CACNA1E: variants seen among roughly 807,000 people sequenced by gnomAD.
The protein encoded by CACNA1E is voltage-dependent R-type calcium channel subunit alpha-1E.
Under a neutral mutation model 259.2 loss-of-function variants are expected in CACNA1E, and 40 were observed. The observed-to-expected ratio is 0.15, with a 90% CI of 0.12 to 0.20. The LOEUF is 0.20. Ranked by LOEUF, CACNA1E falls within the 10% of genes least tolerant of loss-of-function variation. The pLI is 1.00. For synonymous variants in CACNA1E, 1,104 were observed against 1,138.5 expected (o/e 0.97, Z 0.61); for missense variants, 1,874 against 3,040.1 (o/e 0.62, Z 9.02).
chr1:181,346,241 G>T (rs1418903314), intron 1 of CACNA1E, among the ~76,000 whole-genome samples: 1 of 152,240 alleles, frequency 6.6e-6, no homozygotes, highest in East Asian at 1.9e-4. Flanking sequence ...TTTCTCAAAA[G>T]TCATTTTCTC....
At chr1:181,430,535 ATGGAGCCCAC>A (rs1013020186) in intron 2 of CACNA1E, among the ~76,000 whole-genome samples, 58 of 152,228 alleles carry the variant, frequency 3.8e-4, no homozygotes, top group African/African-American at 1.4e-3. Flanking sequence ...GCAAGTTCCC[ATGGAGCCCAC>A]TGTGTACATG....
chr1:181,477,236 C>T (rs1178215628), intron 2 of CACNA1E, among the ~76,000 whole-genome samples: 2 of 150,742 alleles, frequency 1.3e-5, no homozygotes, highest in Non-Finnish European at 3.0e-5. Flanking sequence ...TCAAAGAGAT[C>T]TCTTTTGTAT....
At position 181,807,477 on chromosome 1, in the gene CACNA1E, C is replaced by T. The variant is rs553851443; in HGVS notation, c.*8643C>T. 6 of 152,158 alleles carry T rather than the reference C, an allele frequency of 3.9e-5. No homozygotes were observed. The South Asian group carries it at 1.2e-3, about 32-fold the overall frequency. 9.4% of individuals were successfully genotyped at this position (152,158 alleles called of 1,614,324 possible). On this transcript the variant is annotated 3_prime_UTR_variant, in exon 48 of 48. Coordinates refer to ENST00000367573, the MANE Select transcript of CACNA1E (RefSeq NM_001205293.3). ...ACTCCCCATTTAACTGCAATTGCTC[C>T]CTTGCCACAGGGAAAGCAGCAAGCC...
At chr1:181,736,978 C>T (rs767385946) in intron 22 of CACNA1E, among the ~76,000 whole-genome samples, 1 of 152,142 alleles carries the variant, frequency 6.6e-6, no homozygotes, top group Non-Finnish European at 1.5e-5. Context: ...TTGGGAAGAG[C>T]GTTCCAGCAG....
chr1:181,757,630 G>A (rs1658202874), intron 30 of CACNA1E, among the ~76,000 whole-genome samples: 1 of 152,172 alleles, frequency 6.6e-6, no homozygotes, highest in African/African-American at 2.4e-5. Context: ...AAATACATAG[G>A]TAGGTAGATC....
At chr1:181,569,993 C>A (rs770000811) in intron 3 of CACNA1E, among the ~76,000 whole-genome samples, 1 of 152,152 alleles carries the variant, frequency 6.6e-6, no homozygotes, top group Non-Finnish European at 1.5e-5. Flanking sequence ...GTGTGAGCTA[C>A]AGAAGCATAG....
At chr1:181,789,475 A>T (rs565791976) in intron 43 of CACNA1E, among the ~76,000 whole-genome samples, 1 of 152,254 alleles carries the variant, frequency 6.6e-6, no homozygotes, top group African/African-American at 2.4e-5. Context: ...GACTTAAAAG[A>T]GATGGTGTCC....
chr1:181,520,880 C>T lies in CACNA1E; in HGVS notation c.512+9370C>T, dbSNP rs540438487. 8.5e-5 allele frequency among the ~76,000 whole-genome samples: 13 copies of T among 152,312 alleles called. No individual in the cohort carries two copies. The South Asian group carries it at 2.5e-3, about 29-fold the overall frequency. ...TTTGTCTTCTATCCTCCCCACTTCTCACAAAACATACACAGGCCAGAGGGG... is the reference window on the plus strand; with the variant it reads ...TTTGTCTTCTATCCTCCCCACTTCTTACAAAACATACACAGGCCAGAGGGG... On this transcript the variant is annotated intron_variant, in intron 3 of 47. Transcript: ENST00000367573.
At position 181,599,604 on chromosome 1, in the gene CACNA1E, C is replaced by G. The variant is rs185470644; in HGVS notation, c.951+18828C>G. Among the ~76,000 whole-genome samples the G allele has an allele frequency of 2.3e-3, 358 of 152,352 alleles. 2 individuals are homozygous for G. The highest frequency in any genetic ancestry group is 4.0e-3 in the Non-Finnish European group (272 of 68,030). ...TTAAGTTTCTGCTCTGTTAACTACA[C>G]TGTAAACTCTGTAGGTGCAGGGATG... is the stretch of plus-strand genomic sequence containing the variant. On this transcript the variant is annotated intron_variant, in intron 6 of 47. Coordinates refer to ENST00000367573, the MANE Select transcript of CACNA1E (RefSeq NM_001205293.3).
At chr1:181,327,420 G>T (rs1342408005) in intron 1 of CACNA1E, among the ~76,000 whole-genome samples, 1 of 152,194 alleles carries the variant, frequency 6.6e-6, no homozygotes, top group Middle Eastern at 3.2e-3. Context: ...TGTGTAGAAA[G>T]TGTTGCCATG....
chr1:181,789,827 T>A (rs549456707), intron 43 of CACNA1E, among the ~76,000 whole-genome samples: 4 of 152,312 alleles, frequency 2.6e-5, no homozygotes, highest in African/African-American at 9.6e-5. Flanking sequence ...CCATCCTCTT[T>A]TCTCACCACC....
Position 181,514,052 on chromosome 1 carries a change from G to A in CACNA1E, c.512+2542G>A, listed in dbSNP as rs138604591. Among the ~76,000 whole-genome samples the A allele has an allele frequency of 3.6e-3, 549 of 152,290 alleles. 1 individual carries two copies. The highest frequency in any genetic ancestry group is 6.1e-3 in the Non-Finnish European group (414 of 68,024). On this transcript the variant is annotated intron_variant, in intron 3 of 47. Coordinates refer to ENST00000367573, the MANE Select transcript of CACNA1E (RefSeq NM_001205293.3). ...CAATTCATGGGTGAATGTGCTCCAGGCAAAGAGCTTGGTCCTCTTGAGATC... is the reference window on the plus strand; with the variant it reads ...CAATTCATGGGTGAATGTGCTCCAGACAAAGAGCTTGGTCCTCTTGAGATC...
At chr1:181,668,522 G>A (rs144805105) in intron 7 of CACNA1E, among the ~76,000 whole-genome samples, 6 of 152,180 alleles carry the variant, frequency 3.9e-5, no homozygotes, top group East Asian at 1.9e-4. Flanking sequence ...GAGTGCAGTC[G>A]CTGGGCCATA....
chr1:181,776,246 C>T lies in CACNA1E; in HGVS notation c.5267+18C>T. 1 of 1,613,570 alleles carries T rather than the reference C, an allele frequency of 6.2e-7. No homozygotes were observed. The highest frequency in any genetic ancestry group is 8.5e-7 in the Non-Finnish European group (1 of 1,179,504). On this transcript the variant is annotated intron_variant, in intron 38 of 47. Transcript: ENST00000367573. The surrounding 1 kb of genome is among the most constrained non-coding windows in gnomAD (Gnocchi z 4.4). The stretch of plus-strand genomic sequence containing the variant: ...GCAGCATGGTGCGTAGGCCCCTCGG[C>T]CGCCCCAGCGGGGCCCAGAGCAAAG...
intron 7 of CACNA1E, among the ~76,000 whole-genome samples, chr1:181,673,479 C>G (rs1211544506): frequency 6.6e-6 from 1 of 152,230 alleles, no homozygotes; most frequent in Non-Finnish European, 1.5e-5. Flanking sequence ...AGCATATGCT[C>G]TTGCTCCACA....
At chr1:181,545,486 T>G (rs1647348966) in intron 3 of CACNA1E, among the ~76,000 whole-genome samples, 1 of 152,124 alleles carries the variant, frequency 6.6e-6, no homozygotes, top group South Asian at 2.1e-4. Context: ...GGGATGGCAG[T>G]GCTCCCAGCT....
chr1:181,704,509 C>T (rs2102394202), intron 7 of CACNA1E, among the ~76,000 whole-genome samples: 1 of 152,204 alleles, frequency 6.6e-6, no homozygotes, highest in African/African-American at 2.4e-5. Context: ...GCAAGGTTTC[C>T]CTATGGGTAG....
intron 1 of CACNA1E, among the ~76,000 whole-genome samples, chr1:181,499,676 G>A (rs1051850657): frequency 1.3e-5 from 2 of 152,190 alleles, no homozygotes; most frequent in Middle Eastern, 3.2e-3. Context: ...GAATAAGCCT[G>A]GGAACTTCTA....
At chr1:181,538,887 T>C (rs1668369011) in intron 3 of CACNA1E, among the ~76,000 whole-genome samples, 1 of 152,244 alleles carries the variant, frequency 6.6e-6, no homozygotes, top group Non-Finnish European at 1.5e-5. Flanking sequence ...ATGCAGAAGA[T>C]GATAAGCATG....
Sources: allele counts gnomAD v4.1 joint callset (sites outside exome capture counted in the v4.1 genomes callset), GRCh38; gene constraint gnomAD v4.1.1; non-coding constraint Gnocchi (gnomAD v3.1); transcripts MANE v1.5; gene names NCBI Gene and HGNC (gene_info 2026-07-23, HGNC 2026-07-21).